Variants in TTC28 observed in about 807,000 individuals in gnomAD.
TTC28 encodes tetratricopeptide repeat domain 28.
A neutral mutation model predicts 198.0 loss-of-function variants in TTC28; 61 were observed. That is an observed-to-expected ratio of 0.31 (90% CI 0.25 to 0.38). The LOEUF is 0.38. Ranked by LOEUF, TTC28 falls within the 10% of genes least tolerant of loss-of-function variation. The pLI is 1.00. For synonymous variants in TTC28, 1,171 were observed against 1,297.8 expected, an observed-to-expected ratio of 0.90 and a Z score of 2.10; for missense variants, 2,678 against 3,164.0, an observed-to-expected ratio of 0.85 and a Z score of 3.69.
chr22:28,511,115 T>A (rs1399328810), intron 2 of TTC28, among the ~76,000 whole-genome samples: 1 of 152,164 alleles, frequency 6.6e-6, no homozygotes, highest in African/African-American at 2.4e-5. Flanking sequence ...GGTATTCCTA[T>A]CAAACTACCA....
intron 2 of TTC28, among the ~76,000 whole-genome samples, chr22:28,361,441 G>A (rs943567006): frequency 1.3e-5 from 2 of 152,064 alleles, no homozygotes; most frequent in Non-Finnish European, 2.9e-5. Context: ...CTAATTTAGA[G>A]CAAAACCCTA....
intron 2 of TTC28, among the ~76,000 whole-genome samples, chr22:28,376,822 G>A (rs1158598222): frequency 3.3e-5 from 5 of 152,094 alleles, no homozygotes; most frequent in African/African-American, 7.2e-5. Flanking sequence ...AGAGTGCCCC[G>A]ACCTGACGTC....
At chr22:28,278,364 G>A (rs2044513461) in intron 5 of TTC28, among the ~76,000 whole-genome samples, 1 of 152,084 alleles carries the variant, frequency 6.6e-6, no homozygotes, top group South Asian at 2.1e-4. Flanking sequence ...TATTTTAAAT[G>A]ACTAGGATCC....
intron 12 of TTC28, among the ~76,000 whole-genome samples, chr22:28,032,271 T>TATAAAATATATATATATATATA (rs1569095159): frequency 1.2e-4 from 11 of 94,400 alleles, no homozygotes; most frequent in African/African-American, 3.0e-4. Context: ...ATATATAGTG[T>TATAAAATATATATATATATATA]GTGTGTGTGT....
chr22:28,332,454 T>C (rs1440583400), intron 2 of TTC28, among the ~76,000 whole-genome samples: 2 of 152,084 alleles, frequency 1.3e-5, no homozygotes, highest in African/African-American at 4.8e-5. Flanking sequence ...CAGATGACTA[T>C]ATTTAATGTC....
chr22:28,171,432 C>T (rs1224454232), intron 5 of TTC28, among the ~76,000 whole-genome samples: 7 of 152,156 alleles, frequency 4.6e-5, no homozygotes, highest in African/African-American at 9.6e-5. Context: ...TGAGGGGATG[C>T]TGTCCCTCCT....
chr22:28,489,879 T>C (rs1433202336), intron 2 of TTC28, among the ~76,000 whole-genome samples: 1 of 151,966 alleles, frequency 6.6e-6, no homozygotes, highest in Non-Finnish European at 1.5e-5. Context: ...AAAGGGGAGT[T>C]TATTAAGTAT....
intron 2 of TTC28, among the ~76,000 whole-genome samples, chr22:28,537,540 T>G (rs1302057160): frequency 1.3e-5 from 2 of 151,836 alleles, no homozygotes; most frequent in Non-Finnish European, 2.9e-5. Context: ...AAGTAAACAT[T>G]TTTAAATCTT....
chr22:28,096,442 A>G (rs1462594237), intron 10 of TTC28, 34 bp from the exon 11 acceptor site: 1 of 1,547,762 alleles, frequency 6.5e-7, no homozygotes, highest in Admixed American at 2.0e-5. Context: ...AGGAGTCCAT[A>G]GTGAGTGTGC....
chr22:28,364,228 T>C (rs1666413640), intron 2 of TTC28, among the ~76,000 whole-genome samples: 1 of 152,270 alleles, frequency 6.6e-6, no homozygotes, highest in Middle Eastern at 3.4e-3. Flanking sequence ...TCTCATGAGA[T>C]CTGATGGTTT....
chr22:28,416,274 T>C (rs1426867844), intron 2 of TTC28, among the ~76,000 whole-genome samples: 4 of 152,180 alleles, frequency 2.6e-5, no homozygotes, highest in African/African-American at 9.7e-5. Flanking sequence ...TTTTTCTCCT[T>C]TACCCTTTGA....
chr22:28,478,869 C>A (rs2048203867), intron 2 of TTC28, among the ~76,000 whole-genome samples: 1 of 152,158 alleles, frequency 6.6e-6, no homozygotes, highest in Non-Finnish European at 1.5e-5. Context: ...GACTCTCTCC[C>A]CAAGTCACTC....
intron 5 of TTC28, 148 bp downstream of exon 5, chr22:28,296,050 G>GAA (rs1293381230): frequency 1.4e-5 from 12 of 834,672 alleles, no homozygotes; most frequent in Admixed American, 3.0e-5. Context: ...AATTGTTGAT[G>GAA]AAAAACAGAA....
chr22:28,057,546 T>C (rs375582087), intron 12 of TTC28, among the ~76,000 whole-genome samples: 6 of 152,168 alleles, frequency 3.9e-5, no homozygotes, highest in African/African-American at 1.4e-4. Context: ...ATCAGATATA[T>C]GATTTGTGGC....
At chr22:28,407,496 A>C (rs2047016666) in intron 2 of TTC28, among the ~76,000 whole-genome samples, 1 of 151,270 alleles carries the variant, frequency 6.6e-6, no homozygotes, top group Non-Finnish European at 1.5e-5. Context: ...ACACACACAC[A>C]GTAATGCCTT....
At chr22:28,344,442 C>T (rs992891170) in intron 2 of TTC28, among the ~76,000 whole-genome samples, 1 of 152,038 alleles carries the variant, frequency 6.6e-6, no homozygotes, top group Non-Finnish European at 1.5e-5. Flanking sequence ...ATGACACTGA[C>T]ACCACTAGCC....
At chr22:28,650,972 C>G (rs964930970) in intron 1 of TTC28, among the ~76,000 whole-genome samples, 2 of 152,136 alleles carry the variant, frequency 1.3e-5, no homozygotes, top group African/African-American at 4.8e-5. Flanking sequence ...TTTGGAAATA[C>G]AGTTTTACTG....
intron 12 of TTC28, among the ~76,000 whole-genome samples, chr22:28,072,217 A>G (rs1045249881): frequency 6.6e-6 from 1 of 152,232 alleles, no homozygotes; most frequent in Non-Finnish European, 1.5e-5. Flanking sequence ...CTAACCACAC[A>G]TTAATGATGC....
At chr22:28,591,032 CACACACACATAT>C (rs1174817539) in intron 2 of TTC28, among the ~76,000 whole-genome samples, 700 of 62,172 alleles carry the variant, frequency 0.011, no homozygotes, top group South Asian at 0.016. Context: ...CACACACACA[CACACACACATAT>C]ATATATATAT....
Sources: gnomAD v4.1 joint callset for allele counts (sites outside exome capture counted in the v4.1 genomes callset) on GRCh38, gnomAD v4.1.1 for gene constraint, MANE v1.5 for transcripts, NCBI Gene and HGNC (gene_info 2026-07-23, HGNC 2026-07-21) for gene names.